The following USH2A variants were observed in gnomAD, a reference collection of about 807,000 sequenced individuals.
USH2A encodes Usher syndrome 2A (autosomal recessive, mild).
A neutral mutation model predicts 538.9 loss-of-function variants in USH2A; 443 were observed. The ratio of observed to expected loss-of-function variants is 0.82; its 90% CI spans 0.76 to 0.89. The LOEUF is 0.89. Ranked by LOEUF, USH2A falls within the 40% of genes least tolerant of loss-of-function variation. USH2A has a pLI of 0.00. For synonymous variants in USH2A, 2,413 were observed against 2,273.5 expected (o/e 1.06, Z -1.75); for missense variants, 6,633 against 6,324.8 (o/e 1.05, Z -1.65).
At chr1:215,721,338 G>C (rs2102707080) in intron 61 of USH2A, among the ~76,000 whole-genome samples, 1 of 152,250 alleles carries the variant, frequency 6.6e-6, no homozygotes, top group African/African-American at 2.4e-5. Flanking sequence ...GCCTCCCAAA[G>C]TGCTGAGATT....
chr1:216,175,015 T>C (rs1465299769), intron 21 of USH2A: 1 of 1,354,672 alleles, frequency 7.4e-7, no homozygotes, highest in Admixed American at 3.0e-5. Context: ...TTTGATCCAA[T>C]AAGGCTGCTT....
chr1:215,748,418 T>G (rs1276698108), intron 58 of USH2A, among the ~76,000 whole-genome samples: 1 of 152,190 alleles, frequency 6.6e-6, no homozygotes, highest in Non-Finnish European at 1.5e-5. Context: ...AGTTGTATAA[T>G]ATATTATTTT....
intron 15 of USH2A, among the ~76,000 whole-genome samples, chr1:216,211,246 G>A (rs1219162461): frequency 2.0e-5 from 3 of 152,254 alleles, no homozygotes; most frequent in East Asian, 3.9e-4. Flanking sequence ...GGAGTCATAG[G>A]AGCCCCAATT....
intron 16 of USH2A, among the ~76,000 whole-genome samples, chr1:216,200,970 C>CCCCT (rs1558313736): frequency 6.1e-5 from 3 of 49,320 alleles, no homozygotes; most frequent in Admixed American, 2.1e-4. Context: ...TTCCCCTCCC[C>CCCCT]CCATCCATCC....
chr1:216,048,169 A>G (rs963369052), intron 31 of USH2A, among the ~76,000 whole-genome samples: 1 of 152,224 alleles, frequency 6.6e-6, no homozygotes, highest in Non-Finnish European at 1.5e-5. Flanking sequence ...TGTGCCATAC[A>G]ATCAATTCTT....
intron 50 of USH2A, among the ~76,000 whole-genome samples, chr1:215,790,696 A>C (rs931625609): frequency 2.0e-5 from 3 of 152,228 alleles, no homozygotes; most frequent in African/African-American, 7.2e-5. Context: ...GTACTCTGGG[A>C]TAAAAGCCCA....
intron 3 of USH2A, among the ~76,000 whole-genome samples, chr1:216,381,668 C>T (rs2038924752): frequency 6.6e-6 from 1 of 152,092 alleles, no homozygotes; most frequent in African/African-American, 2.4e-5. Context: ...CTCTAATCTC[C>T]AAAGTAGTAA....
chr1:216,251,269 G>T (rs966270789), intron 11 of USH2A, among the ~76,000 whole-genome samples, 171 bp from the exon 12 acceptor site: 10 of 151,892 alleles, frequency 6.6e-5, no homozygotes, highest in African/African-American at 1.7e-4. Context: ...TCAGCAGGGG[G>T]AATATACAGA....
rs143057252 is a variant in USH2A, at chr1:216,370,550, C to T, written c.652-5465G>A. On this transcript the variant is annotated intron_variant, in intron 3 of 71. Coordinates refer to ENST00000307340, the MANE Select transcript of USH2A (RefSeq NM_206933.4). ...CAAAAATTAGCTGGGTATGGTGGCA[C>T]GAGCCTGTAATCCGGGCTACTCGGG... 1.3e-3 allele frequency among the ~76,000 whole-genome samples: 190 copies of T among 148,736 alleles called. 6 individuals are homozygous for T. The East Asian group carries it at 0.031, about 24-fold the overall frequency.
At chr1:215,675,792 C>G (rs944375018) in intron 62 of USH2A, among the ~76,000 whole-genome samples, 176 bp from the exon 63 acceptor site, 3 of 152,092 alleles carry the variant, frequency 2.0e-5, no homozygotes, top group Non-Finnish European at 4.4e-5. Flanking sequence ...ATAAGGCCCA[C>G]AGAGAGACAA....
At chr1:215,717,660 G>A (rs2102703913) in intron 61 of USH2A, among the ~76,000 whole-genome samples, 1 of 152,296 alleles carries the variant, frequency 6.6e-6, no homozygotes, top group East Asian at 1.9e-4. Context: ...GAGAAATATG[G>A]TGAAAAACTG....
chr1:216,269,547 A>G lies in USH2A; in HGVS notation c.1972-18449T>C, dbSNP rs183041965. 1.1e-4 allele frequency among the ~76,000 whole-genome samples: 16 copies of G among 152,144 alleles called. No individual in the cohort carries two copies. In the East Asian group the frequency reaches 3.1e-3, roughly 29 times the overall value. On this transcript the variant is annotated intron_variant, in intron 11 of 71. Transcript: ENST00000307340. ...TGATCATAACCCCTATGTTAAATTCACTCTGCTTATCATAAGCTACAAATA... is the reference window on the plus strand; with the variant it reads ...TGATCATAACCCCTATGTTAAATTCGCTCTGCTTATCATAAGCTACAAATA...
At chr1:215,744,936 C>A (rs1293097504) in intron 58 of USH2A, among the ~76,000 whole-genome samples, 1 of 152,194 alleles carries the variant, frequency 6.6e-6, no homozygotes, top group East Asian at 1.9e-4. Flanking sequence ...TTCCTAAACT[C>A]TTATCTCTAG....
intron 15 of USH2A, among the ~76,000 whole-genome samples, chr1:216,208,384 A>G (rs780051635): frequency 2.0e-5 from 3 of 152,106 alleles, no homozygotes; most frequent in Non-Finnish European, 4.4e-5. Flanking sequence ...TTACTTTTAA[A>G]CCATTCATCT....
intron 4 of USH2A, among the ~76,000 whole-genome samples, chr1:216,349,511 A>C (rs963729302): frequency 6.6e-6 from 1 of 152,170 alleles, no homozygotes; most frequent in Non-Finnish European, 1.5e-5. Context: ...AACAGATTGC[A>C]GTAAAGAAGC....
intron 14 of USH2A, among the ~76,000 whole-genome samples, chr1:216,231,261 T>TA (rs1558331824): frequency 1.2e-5 from 1 of 83,536 alleles, no homozygotes; most frequent in Non-Finnish European, 2.5e-5. Flanking sequence ...ATATATATAA[T>TA]ATATATATAT....
intron 3 of USH2A, among the ~76,000 whole-genome samples, chr1:216,403,202 G>C (rs1254070808): frequency 6.6e-6 from 1 of 152,028 alleles, no homozygotes; most frequent in Non-Finnish European, 1.5e-5. Context: ...CATATCAATT[G>C]AATCAGAAAA....
chr1:216,186,756 A>G (rs995894786), intron 20 of USH2A, among the ~76,000 whole-genome samples: 1 of 151,702 alleles, frequency 6.6e-6, no homozygotes, highest in African/African-American at 2.4e-5. Flanking sequence ...TATTTCTCCC[A>G]TCTGTTCTTT....
intron 15 of USH2A, among the ~76,000 whole-genome samples, chr1:216,215,761 A>G (rs1424430147): frequency 1.3e-5 from 2 of 152,174 alleles, no homozygotes; most frequent in African/African-American, 4.8e-5. Context: ...ACCAAAAGGA[A>G]TATGTCCAGG....
Sources: gnomAD v4.1 joint callset for allele counts (sites outside exome capture counted in the v4.1 genomes callset) on GRCh38, gnomAD v4.1.1 for gene constraint, MANE v1.5 for transcripts, NCBI Gene and HGNC (gene_info 2026-07-23, HGNC 2026-07-21) for gene names.